The following SLC2A14 variants were observed in gnomAD, a reference collection of about 807,000 sequenced individuals.
SLC2A14 encodes the protein solute carrier family 2, facilitated glucose transporter member 14.
A neutral mutation model predicts 43.0 loss-of-function variants in SLC2A14; 13 were observed. That is an observed-to-expected ratio of 0.30 (90% confidence interval 0.20 to 0.48). The LOEUF (loss-of-function observed/expected upper bound fraction) is 0.48. SLC2A14 is among the 20% of genes least tolerant of loss of function. The pLI is 0.99. For missense variants in SLC2A14, 428 were observed against 620.4 expected, an observed-to-expected ratio of 0.69 and a Z score of 3.29; for synonymous variants, 190 against 233.8, an observed-to-expected ratio of 0.81 and a Z score of 1.71.
At chr12:7,872,341 C>G (rs1945278995) in intron 1 of SLC2A14, 1 of 152,186 alleles carries the variant, frequency 6.6e-6, no homozygotes, top group African/African-American at 2.4e-5. Context: ...CTGGATCATG[C>G]TCCCAAGGCT....
chr12:7,856,009 T>C (rs1475329103), intron 2 of SLC2A14, among the ~76,000 whole-genome samples: 1 of 152,040 alleles, frequency 6.6e-6, no homozygotes, highest in Non-Finnish European at 1.5e-5. Flanking sequence ...ATAATTATAA[T>C]TAGCCATATC....
At chr12:7,841,900 G>A (rs1010152788) in intron 2 of SLC2A14, among the ~76,000 whole-genome samples, 1 of 151,920 alleles carries the variant, frequency 6.6e-6, no homozygotes, top group Non-Finnish European at 1.5e-5. Flanking sequence ...AATTACTCAG[G>A]AGGCTGAGGC....
Position 7,828,867 on chromosome 12 carries a change from C to A in SLC2A14, c.514-1G>T, listed in dbSNP as rs1408601855. On this transcript the variant is annotated splice_acceptor_variant, in intron 5 of 10. Coordinates refer to ENST00000431042, the MANE Select transcript of SLC2A14 (RefSeq NM_001286234.2). LOFTEE classifies it high-confidence loss of function. The stretch of plus-strand genomic sequence containing the variant: ...CAAGGATGAGTTCCAGACCAAAGAT[C>A]TAGAAACCACACAAAGATAATGCTA... The A allele has an allele frequency of 6.2e-7, 1 of 1,612,934 alleles. No individual in the cohort carries two copies. The highest frequency in any genetic ancestry group is 2.2e-5 in the East Asian group (1 of 44,882).
intron 2 of SLC2A14, among the ~76,000 whole-genome samples, chr12:7,836,794 C>G (rs904512528): frequency 6.6e-6 from 1 of 151,906 alleles, no homozygotes; most frequent in Non-Finnish European, 1.5e-5. Context: ...CTAGATCATG[C>G]CACTGCACAC....
intron 2 of SLC2A14, among the ~76,000 whole-genome samples, chr12:7,864,123 T>A (rs1944778003): frequency 6.6e-6 from 1 of 151,810 alleles, no homozygotes; most frequent in Non-Finnish European, 1.5e-5. Context: ...GCCACCACAT[T>A]GTTTTGATTA....
intron 2 of SLC2A14, chr12:7,839,981 T>C: frequency 2.7e-6 from 1 of 375,052 alleles, no homozygotes. Flanking sequence ...GCATGGTGGT[T>C]TGCACTTGTA....
At chr12:7,822,493 G>A (rs994918040) in intron 7 of SLC2A14, among the ~76,000 whole-genome samples, 1 of 151,480 alleles carries the variant, frequency 6.6e-6, no homozygotes, top group African/African-American at 2.4e-5. Flanking sequence ...TGGTGAAACC[G>A]TCTCTACTAA....
intron 1 of SLC2A14, among the ~76,000 whole-genome samples, chr12:7,883,325 G>A (rs1170567791): frequency 6.8e-6 from 1 of 147,590 alleles, no homozygotes; most frequent in Non-Finnish European, 1.5e-5. Context: ...TGGAGTGCAG[G>A]GGCGTGATCT....
chr12:7,863,164 C>T (rs898170867), intron 2 of SLC2A14, among the ~76,000 whole-genome samples: 1 of 152,054 alleles, frequency 6.6e-6, no homozygotes, highest in Admixed American at 6.6e-5. Flanking sequence ...CATTTTTGAG[C>T]CCAGCGAGAC....
intron 2 of SLC2A14, chr12:7,860,537 A>C (rs1944492625): frequency 6.6e-6 from 1 of 152,156 alleles, no homozygotes; most frequent in South Asian, 2.1e-4. Context: ...TCCTTGGAGA[A>C]GGTGTGCGCT....
At chr12:7,834,673 A>G (rs149468074) in intron 2 of SLC2A14, among the ~76,000 whole-genome samples, 1 of 151,796 alleles carries the variant, frequency 6.6e-6, no homozygotes, top group Non-Finnish European at 1.5e-5. Context: ...TAGAAGCTGC[A>G]GTGAGCTATG....
At chr12:7,879,143 C>CT (rs1945520403) in intron 1 of SLC2A14, among the ~76,000 whole-genome samples, 1 of 151,652 alleles carries the variant, frequency 6.6e-6, no homozygotes, top group Non-Finnish European at 1.5e-5. Context: ...AGGAAAACTT[C>CT]TTCTTTTCTT....
At chr12:7,816,101 T>C (rs868382853) in intron 10 of SLC2A14, among the ~76,000 whole-genome samples, 2,183 of 48,574 alleles carry the variant, frequency 0.045, 664 homozygotes, top group African/African-American at 0.16. Context: ...TTTTTTTATT[T>C]TTTTTATTTT....
intron 2 of SLC2A14, among the ~76,000 whole-genome samples, chr12:7,836,244 G>A (rs1006806840): frequency 6.4e-5 from 9 of 140,858 alleles, no homozygotes; most frequent in South Asian, 2.2e-4. Flanking sequence ...TTTTTGAGAC[G>A]CAGTCTCACT....
intron 2 of SLC2A14, among the ~76,000 whole-genome samples, chr12:7,840,535 A>G (rs1865865433): frequency 6.6e-6 from 1 of 151,846 alleles, no homozygotes; most frequent in Non-Finnish European, 1.5e-5. Context: ...ACCCGCCACC[A>G]CACCCACACC....
upstream of SLC2A14, among the ~76,000 whole-genome samples, chr12:7,874,799 A>ACGTATTTATATATAAATT (rs200733431): frequency 3.0e-5 from 3 of 100,312 alleles, no homozygotes; most frequent in Admixed American, 1.3e-4. Context: ...ATATATAAAT[A>ACGTATTTATATATAAATT]ATATATAAAT....
intron 1 of SLC2A14, among the ~76,000 whole-genome samples, chr12:7,884,714 A>C (rs7303209): frequency 3.9e-5 from 6 of 152,022 alleles, no homozygotes; most frequent in African/African-American, 1.4e-4. Flanking sequence ...TGAGAAATTG[A>C]GAAGGCGATT....
At chr12:7,834,366 T>C (rs921458860) in intron 2 of SLC2A14, among the ~76,000 whole-genome samples, 3 of 151,820 alleles carry the variant, frequency 2.0e-5, no homozygotes, top group African/African-American at 4.8e-5. Flanking sequence ...AAGGTTACAA[T>C]TGGAATTAAA....
chr12:7,869,001 G>A (rs779039063), intron 2 of SLC2A14, among the ~76,000 whole-genome samples: 3 of 151,992 alleles, frequency 2.0e-5, no homozygotes, highest in South Asian at 4.2e-4. Flanking sequence ...AAAATTAGCC[G>A]GGCATGGTGG....
Sources: gnomAD v4.1 joint callset for allele counts (sites outside exome capture counted in the v4.1 genomes callset) on GRCh38, gnomAD v4.1.1 for gene constraint, MANE v1.5 for transcripts, NCBI Gene and HGNC (gene_info 2026-07-23, HGNC 2026-07-21) for gene names.